The following ANKDD1B variants were observed in gnomAD, a reference collection of about 807,000 sequenced individuals.
ANKDD1B encodes the protein ankyrin repeat and death domain-containing protein 1B.
Under a neutral mutation model 59.7 loss-of-function variants are expected in ANKDD1B, and 57 were observed. That is an observed-to-expected ratio of 0.95 (90% CI 0.77 to 1.19). The LOEUF is 1.19. ANKDD1B is among the 50% of genes most tolerant of loss of function. ANKDD1B has a pLI of 0.00. For missense variants in ANKDD1B, 602 were observed against 641.9 expected (o/e 0.94, Z 0.67); for synonymous variants, 216 against 239.5 (o/e 0.90, Z 0.91).
At chr5:75,669,591 G>A (rs544723216) in intron 13 of ANKDD1B, among the ~76,000 whole-genome samples, 62 of 152,202 alleles carry the variant, frequency 4.1e-4, no homozygotes, top group African/African-American at 1.4e-3. Context: ...CATTAGCCTG[G>A]CAGTTCTGTG....
At chr5:75,634,726 G>C in intron 5 of ANKDD1B, 172 bp from the exon 6 acceptor site, 1 of 540,436 alleles carries the variant, frequency 1.9e-6, no homozygotes, top group South Asian at 2.3e-5. Flanking sequence ...ACAGTTTTGA[G>C]TGAAAACCCA....
At chr5:75,629,266 C>CT (rs879700434) in intron 5 of ANKDD1B, among the ~76,000 whole-genome samples, 197 of 146,598 alleles carry the variant, frequency 1.3e-3, no homozygotes, top group African/African-American at 2.0e-3. Context: ...TAACACACTG[C>CT]TTTTTTTTTT....
intron 7 of ANKDD1B, among the ~76,000 whole-genome samples, chr5:75,644,933 G>T (rs1388487477): frequency 8.2e-6 from 1 of 121,470 alleles, no homozygotes; most frequent in Admixed American, 7.6e-5. Context: ...TAGAACTCAG[G>T]ATTAAGAATC....
At chr5:75,654,147 C>T (rs1219810192) in intron 8 of ANKDD1B, among the ~76,000 whole-genome samples, 3 of 152,216 alleles carry the variant, frequency 2.0e-5, no homozygotes, top group African/African-American at 7.2e-5. Flanking sequence ...TGGCCTCCGA[C>T]AGTCTCTGAC....
intron 3 of ANKDD1B, among the ~76,000 whole-genome samples, chr5:75,624,155 T>A (rs1222037689): frequency 6.6e-6 from 1 of 152,202 alleles, no homozygotes; most frequent in Non-Finnish European, 1.5e-5. Context: ...AATGGATTAC[T>A]TTTTCATGGA....
At chr5:75,618,000 A>ATG (rs546256929) in intron 2 of ANKDD1B, among the ~76,000 whole-genome samples, 123 of 151,724 alleles carry the variant, frequency 8.1e-4, no homozygotes, top group Non-Finnish European at 1.4e-3. Flanking sequence ...TCTGTGTATA[A>ATG]TGTGTGTGTG....
intron 2 of ANKDD1B, among the ~76,000 whole-genome samples, chr5:75,617,228 A>C (rs1421282627): frequency 6.6e-6 from 1 of 152,174 alleles, no homozygotes; most frequent in Non-Finnish European, 1.5e-5. Flanking sequence ...CCTGTGGATC[A>C]GTTTGGCCTC....
chr5:75,649,225 T>G (rs186044470), intron 7 of ANKDD1B, among the ~76,000 whole-genome samples: 29 of 152,010 alleles, frequency 1.9e-4, no homozygotes, highest in Admixed American at 1.5e-3. Flanking sequence ...CTAAAAGGCT[T>G]TTTTGTTTTT....
chr5:75,612,244 G>C (rs527604821), intron 1 of ANKDD1B, among the ~76,000 whole-genome samples: 49 of 151,092 alleles, frequency 3.2e-4, no homozygotes, highest in African/African-American at 1.1e-3. Flanking sequence ...TCTATGCCTT[G>C]GGAATAATGT....
intron 13 of ANKDD1B, among the ~76,000 whole-genome samples, chr5:75,669,946 C>T (rs1775429259): frequency 6.6e-6 from 1 of 152,176 alleles, no homozygotes; most frequent in Admixed American, 6.5e-5. Flanking sequence ...GGTGTTGTAG[C>T]TCTCATGTAA....
chr5:75,629,362 T>C (rs879870023), intron 5 of ANKDD1B, among the ~76,000 whole-genome samples: 16 of 151,910 alleles, frequency 1.1e-4, no homozygotes, highest in African/African-American at 2.4e-5. Flanking sequence ...CCCGGGGTGA[T>C]GGGAAATGTT....
At chr5:75,652,748 T>C (rs549301244) in intron 7 of ANKDD1B, among the ~76,000 whole-genome samples, 18 of 152,366 alleles carry the variant, frequency 1.2e-4, no homozygotes, top group South Asian at 6.2e-4. Context: ...CAGATTTTCT[T>C]TTTTAAATAC....
chr5:75,632,047 C>A, intron 5 of ANKDD1B, among the ~76,000 whole-genome samples: 2 of 143,070 alleles, frequency 1.4e-5, no homozygotes, highest in South Asian at 2.2e-4. Flanking sequence ...GCAGAGGTTG[C>A]AATGAGCCAA....
At chr5:75,648,259 A>G (rs1334524377) in intron 7 of ANKDD1B, among the ~76,000 whole-genome samples, 26 of 10,188 alleles carry the variant, frequency 2.6e-3, no homozygotes, top group Admixed American at 5.9e-3. Context: ...TAATTAAAAA[A>G]AAAAAATTAA....
At chr5:75,666,087 G>A (rs1163647453) in intron 11 of ANKDD1B, among the ~76,000 whole-genome samples, 1 of 152,174 alleles carries the variant, frequency 6.6e-6, no homozygotes, top group Non-Finnish European at 1.5e-5. Flanking sequence ...TTCACTCAGT[G>A]ATTTTCTCCG....
At chr5:75,637,356 T>C (rs1400003858) in intron 7 of ANKDD1B, among the ~76,000 whole-genome samples, 2 of 151,356 alleles carry the variant, frequency 1.3e-5, no homozygotes, top group Admixed American at 6.6e-5. Context: ...TCATTTGCCC[T>C]GGATGGTCAC....
intron 6 of ANKDD1B, chr5:75,635,514 G>T (rs563246809): frequency 6.7e-6 from 2 of 297,846 alleles, no homozygotes; most frequent in South Asian, 2.6e-4. Context: ...AATTGCTTTT[G>T]TTGCTCCATG....
Position 75,634,977 on chromosome 5 carries a change from A to G in ANKDD1B, c.680A>G (p.His227Arg), listed in dbSNP as rs939250406. The G allele has an allele frequency of 3.1e-5, 47 of 1,534,156 alleles. No homozygotes were observed. Among genetic ancestry groups the G allele is most frequent in the Non-Finnish European group, 4.0e-5 (46 of 1,145,188 alleles). Residue 227 changes from histidine (H) to arginine (R), a missense_variant, in exon 6 of 14, where the codon CAT becomes CGT. By Grantham distance (29) the His-to-Arg change is conservative. Transcript: ENST00000601380. ...GAAAAACTTACCTTCCTAAACCTGC[A>G]TACTTCAGAAAAGGACAAGGTGAGT... is the stretch of plus-strand genomic sequence containing the variant. ...MIEKLTFLNL[H>R]TSEKDKGGNT...
chr5:75,664,804 ATAGCTAAAGGAGAC>A (rs1775263706), intron 11 of ANKDD1B, among the ~76,000 whole-genome samples: 1 of 152,240 alleles, frequency 6.6e-6, no homozygotes, highest in Non-Finnish European at 1.5e-5. Flanking sequence ...AAACATGAAT[ATAGCTAAAGGAGAC>A]CCCCAGAAAT....
Sources: allele counts gnomAD v4.1 joint callset (sites outside exome capture counted in the v4.1 genomes callset), GRCh38; gene constraint gnomAD v4.1.1; transcripts MANE v1.5; gene names NCBI Gene and HGNC (gene_info 2026-07-23, HGNC 2026-07-21).